Variants in KDM4C observed in about 807,000 individuals in gnomAD.
KDM4C encodes the protein lysine demethylase 4C.
A neutral mutation model predicts 129.3 loss-of-function variants in KDM4C; 81 were observed. The observed-to-expected ratio is 0.63, with a 90% CI of 0.52 to 0.75. The LOEUF (loss-of-function observed/expected upper bound fraction) is 0.75, where lower values mean the gene tolerates loss of function less well. Ranked by LOEUF, KDM4C falls within the 30% of genes least tolerant of loss-of-function variation. The pLI is 0.00. For missense variants in KDM4C, 1,457 were observed against 1,304.0 expected, an observed-to-expected ratio of 1.12 and a Z score of -1.81; for synonymous variants, 573 against 456.1, an observed-to-expected ratio of 1.26 and a Z score of -3.26.
In KDM4C at chr9:6,981,112, C is replaced by A; in HGVS notation, c.1109C>A (p.Ser370Tyr). The A allele has an allele frequency of 6.2e-7, 1 of 1,610,842 alleles. No individual in the cohort carries two copies. Residue 370 changes from serine (S) to tyrosine (Y), a missense_variant, in exon 9 of 22, where the codon TCC becomes TAC. Ser to Tyr is a moderately radical substitution (Grantham distance 144). Coordinates refer to ENST00000381309, the MANE Select transcript of KDM4C (RefSeq NM_015061.6). Reference protein sequence around the residue: ...LQRRRKVRKASRSFQCARSTS... With the variant: ...LQRRRKVRKAYRSFQCARSTS... Reference sequence around the variant, plus strand: ...AGGAGGAGGAAAGTAAGAAAAGCATCCCGAAGGTAATGACCCCTCACCCCA... The same window carrying A: ...AGGAGGAGGAAAGTAAGAAAAGCATACCGAAGGTAATGACCCCTCACCCCA...
intron 8 of KDM4C, among the ~76,000 whole-genome samples, chr9:6,895,976 G>T (rs1001595149): frequency 6.6e-6 from 1 of 151,916 alleles, no homozygotes; most frequent in Non-Finnish European, 1.5e-5. Context: ...CCAGATTTTG[G>T]TATCTTTAAT....
chr9:6,849,483 C>G (rs770208084), intron 4 of KDM4C, 24 bp from the exon 5 acceptor site: 2 of 1,501,952 alleles, frequency 1.3e-6, no homozygotes, highest in Non-Finnish European at 1.8e-6. Flanking sequence ...TGATTTCTCT[C>G]TCTTTTTTTC....
intron 1 of KDM4C, among the ~76,000 whole-genome samples, chr9:6,722,580 C>T (rs1184846151): frequency 6.6e-6 from 1 of 151,296 alleles, no homozygotes; most frequent in Non-Finnish European, 1.5e-5. Flanking sequence ...ATGGCGCGAT[C>T]TCGGCTCACT....
At chr9:6,795,465 G>A (rs1827555577) in intron 2 of KDM4C, among the ~76,000 whole-genome samples, 1 of 152,134 alleles carries the variant, frequency 6.6e-6, no homozygotes, top group Non-Finnish European at 1.5e-5. Flanking sequence ...CTGAATAGCT[G>A]GGATTACAGG....
At chr9:7,059,162 G>A (rs1236210053) in intron 17 of KDM4C, among the ~76,000 whole-genome samples, 1 of 152,134 alleles carries the variant, frequency 6.6e-6, no homozygotes, top group Non-Finnish European at 1.5e-5. Flanking sequence ...TTTTTTGTTT[G>A]TTTTTGGAGC....
chr9:6,800,580 T>G (rs1166993520), intron 2 of KDM4C, among the ~76,000 whole-genome samples: 1 of 152,098 alleles, frequency 6.6e-6, no homozygotes. Context: ...TTCAGTAACA[T>G]ATACTATGAA....
chr9:7,086,372 T>A (rs1055249842), intron 17 of KDM4C, among the ~76,000 whole-genome samples: 81 of 152,234 alleles, frequency 5.3e-4, no homozygotes, highest in African/African-American at 1.8e-3. Flanking sequence ...GTTATTACTC[T>A]GTTGAGTAAA....
At chr9:6,836,970 G>A (rs985070082) in intron 4 of KDM4C, among the ~76,000 whole-genome samples, 2 of 152,144 alleles carry the variant, frequency 1.3e-5, no homozygotes, top group African/African-American at 2.4e-5. Context: ...GAATGGAAAT[G>A]CTGGCTCATA....
chr9:6,779,772 A>G (rs544037073), intron 1 of KDM4C, among the ~76,000 whole-genome samples: 2 of 152,356 alleles, frequency 1.3e-5, no homozygotes, highest in South Asian at 4.1e-4. Flanking sequence ...ATTATCAAAT[A>G]TAAACTGATG....
chr9:6,809,969 GAC>G (rs766984931), intron 3 of KDM4C, among the ~76,000 whole-genome samples: 1 of 152,174 alleles, frequency 6.6e-6, no homozygotes, highest in South Asian at 2.1e-4. Context: ...CAGCCTGGGT[GAC>G]AGAGCGAGAC....
At chr9:6,738,748 T>TTTTC (rs1185201867) in intron 1 of KDM4C, among the ~76,000 whole-genome samples, 1 of 151,112 alleles carries the variant, frequency 6.6e-6, no homozygotes, top group Non-Finnish European at 1.5e-5. Flanking sequence ...CCCAACTAAT[T>TTTTC]TTTCTTTTCT....
intron 1 of KDM4C, among the ~76,000 whole-genome samples, chr9:6,747,473 A>T (rs1198219626): frequency 2.7e-5 from 4 of 146,016 alleles, no homozygotes; most frequent in Non-Finnish European, 6.0e-5. Flanking sequence ...GTGTGAACTC[A>T]GGAGGCAGAG....
chr9:6,920,471 G>A (rs1821291331), intron 8 of KDM4C, among the ~76,000 whole-genome samples: 1 of 151,952 alleles, frequency 6.6e-6, no homozygotes, highest in South Asian at 2.1e-4. Flanking sequence ...ACTGAGGCAG[G>A]AGAATCACTT....
chr9:6,940,038 C>CTTCT (rs1343847755), intron 8 of KDM4C, among the ~76,000 whole-genome samples: 4 of 137,426 alleles, frequency 2.9e-5, no homozygotes, highest in African/African-American at 1.1e-4. Context: ...TCCTTCTTTC[C>CTTCT]TTCCTTCCCT....
At chr9:6,817,020 T>C (rs192614722) in intron 4 of KDM4C, among the ~76,000 whole-genome samples, 1 of 152,290 alleles carries the variant, frequency 6.6e-6, no homozygotes, top group East Asian at 1.9e-4. Flanking sequence ...TATGATATTG[T>C]AGAATTGTCA....
intron 2 of KDM4C, among the ~76,000 whole-genome samples, chr9:6,800,528 C>T (rs922718331): frequency 6.6e-6 from 1 of 151,794 alleles, no homozygotes; most frequent in Non-Finnish European, 1.5e-5. Context: ...AACAGAGTCC[C>T]TGTCTCAAAA....
At chr9:6,801,384 C>G (rs1050128448) in intron 2 of KDM4C, among the ~76,000 whole-genome samples, 23 of 151,300 alleles carry the variant, frequency 1.5e-4, no homozygotes, top group African/African-American at 5.6e-4. Flanking sequence ...CAGGTGCCTG[C>G]CACCATGCCC....
intron 18 of KDM4C, among the ~76,000 whole-genome samples, chr9:7,109,856 C>G (rs923716817): frequency 2.6e-5 from 4 of 152,106 alleles, no homozygotes; most frequent in African/African-American, 7.2e-5. Flanking sequence ...TGAATTATAA[C>G]CCCCATGTGT....
intron 19 of KDM4C, among the ~76,000 whole-genome samples, chr9:7,141,941 C>G (rs1039450405): frequency 6.6e-6 from 1 of 152,110 alleles, no homozygotes; most frequent in African/African-American, 2.4e-5. Context: ...TCATCACACA[C>G]ACATAAACCC....
Sources: allele counts gnomAD v4.1 joint callset (sites outside exome capture counted in the v4.1 genomes callset), GRCh38; gene constraint gnomAD v4.1.1; transcripts MANE v1.5; gene names NCBI Gene and HGNC (gene_info 2026-07-23, HGNC 2026-07-21).